The following MYT1 variants were observed in gnomAD, a reference collection of about 807,000 sequenced individuals.
The protein encoded by MYT1 is myelin transcription factor 1.
A neutral mutation model predicts 123.0 loss-of-function variants in MYT1; 23 were observed. That is an observed-to-expected ratio of 0.19 (90% CI 0.13 to 0.26). The LOEUF is 0.26. MYT1 is among the 10% of genes least tolerant of loss of function. The pLI, the probability that MYT1 is intolerant of heterozygous loss-of-function variation, is 1.00. For missense variants in MYT1, 1,125 were observed against 1,472.5 expected (o/e 0.76, Z 3.86); for synonymous variants, 518 against 575.3 (o/e 0.90, Z 1.43).
At chr20:64,170,872 TATATATATATATAG>T (rs1259032059) in intron 1 of MYT1, among the ~76,000 whole-genome samples, 3 of 62,480 alleles carry the variant, frequency 4.8e-5, no homozygotes, top group African/African-American at 7.0e-5. Context: ...TATATATATA[TATATATATATATAG>T]AGAGAGAGAG....
Position 64,208,515 on chromosome 20 carries a change from C to A in MYT1, c.1291+28C>A. Reference sequence around the variant, plus strand: ...AGGGCTCAGGGGTGGCCTGGCCCTGCAGACTCATCCTTTCACCCCTGCCCC... The same window carrying A: ...AGGGCTCAGGGGTGGCCTGGCCCTGAAGACTCATCCTTTCACCCCTGCCCC... On this transcript the variant is annotated intron_variant, in intron 7 of 22. Coordinates refer to ENST00000328439, the MANE Select transcript of MYT1 (RefSeq NM_004535.3). This position sits in a 1 kb window ranked among gnomAD's most constrained non-coding sequence, Gnocchi z 5.4. 6.4e-7 allele frequency: 1 copy of A among 1,555,324 alleles called. No individual in the cohort carries two copies. The highest frequency in any genetic ancestry group is 8.7e-7 in the Non-Finnish European group (1 of 1,147,986).
chr20:64,222,091 T>C (rs781362951), intron 14 of MYT1, 44 bp downstream of exon 14: 14 of 1,606,864 alleles, frequency 8.7e-6, no homozygotes, highest in Non-Finnish European at 1.2e-5. Flanking sequence ...GGACCCTCTG[T>C]GGCCTGGGGA....
rs1984555477 is a variant in MYT1 at position 64,236,547 on chromosome 20, G to A, written c.2898-8G>A. On this transcript the variant is annotated splice_region_variant and splice_polypyrimidine_tract_variant and intron_variant, in intron 19 of 22. Coordinates refer to ENST00000328439, the MANE Select transcript of MYT1 (RefSeq NM_004535.3). ...GGCTGGTGAATGATATGTGGCCTCT[G>A]CTTCCAGTTTGTCAGGCTGTCCCAG... 4 of 1,612,776 alleles carry A rather than the reference G, an allele frequency of 2.5e-6. No homozygotes were observed. The highest frequency in any genetic ancestry group is 3.4e-6 in the Non-Finnish European group (4 of 1,179,154).
intron 1 of MYT1, among the ~76,000 whole-genome samples, chr20:64,170,927 A>AGAGAGAGAGAGACG (rs1982257313): frequency 7.8e-6 from 1 of 128,238 alleles, no homozygotes; most frequent in Non-Finnish European, 1.7e-5. Context: ...AGAGAGAGAG[A>AGAGAGAGAGAGACG]GAGAGAGACG....
In MYT1 at chr20:64,223,292, C is replaced by G; in HGVS notation, c.2461C>G (p.Leu821Val). Residue 821 changes from leucine (L) to valine (V), a missense_variant and splice_region_variant, in exon 16 of 23, where the codon CTC becomes GTC. Coordinates refer to ENST00000328439, the MANE Select transcript of MYT1 (RefSeq NM_004535.3). ...ITGNYASHRS[L>V]SGCPLADKSL... ...AATATCCCATCTCTTCTCTTTCAGC[C>G]TCTCTGGTTGCCCTCTTGCTGACAA... 1.2e-6 allele frequency: 2 copies of G among 1,614,210 alleles called. No homozygotes were observed. The highest frequency in any genetic ancestry group is 1.7e-6 in the Non-Finnish European group (2 of 1,180,036).
chr20:64,217,603 T>C (rs1182703071), intron 11 of MYT1, among the ~76,000 whole-genome samples: 1 of 152,260 alleles, frequency 6.6e-6, no homozygotes, highest in South Asian at 2.1e-4. Flanking sequence ...CCCACCAGCA[T>C]GGTTCACACT....
chr20:64,169,497 T>A (rs1246609034), intron 1 of MYT1, among the ~76,000 whole-genome samples: 2 of 152,174 alleles, frequency 1.3e-5, no homozygotes, highest in African/African-American at 4.8e-5. Flanking sequence ...TTACAAGACT[T>A]AGAGCTGGGG....
In MYT1 at chr20:64,203,714, G is replaced by C. The variant is rs902277977; in HGVS notation, c.87-1321G>C. ...GGATTCTGCTGACGGTTCTCCCAGA[G>C]GTAGTCGGGGAGGGTGGCCTGCAAG... On this transcript the variant is annotated intron_variant, in intron 4 of 22. Transcript: ENST00000328439. This position sits in a 1 kb window ranked among gnomAD's most constrained non-coding sequence, Gnocchi z 5.1. Among the ~76,000 whole-genome samples, 6 of 152,260 alleles carry C rather than the reference G, an allele frequency of 3.9e-5. No individual in the cohort carries two copies. The highest frequency in any genetic ancestry group is 1.3e-4 in the Admixed American group (2 of 15,290).
intron 13 of MYT1, among the ~76,000 whole-genome samples, chr20:64,221,442 C>T (rs1417755863): frequency 6.6e-6 from 1 of 152,206 alleles, no homozygotes; most frequent in Non-Finnish European, 1.5e-5. Context: ...GAGGTTACTG[C>T]GATTGTTGTA....
intron 1 of MYT1, among the ~76,000 whole-genome samples, chr20:64,169,855 C>T (rs919616734): frequency 6.6e-6 from 1 of 152,302 alleles, no homozygotes; most frequent in East Asian, 1.9e-4. Context: ...TTCTCATGAA[C>T]GTGTTCTGTA....
chr20:64,213,792 T>C lies in MYT1; in HGVS notation c.1631+145T>C. ...ATGTGAGTGTACGTGCATGTGAGTGTGCACATGCCCCGGGCCCCCCAGGAG... is the reference window on the plus strand; with the variant it reads ...ATGTGAGTGTACGTGCATGTGAGTGCGCACATGCCCCGGGCCCCCCAGGAG... On this transcript the variant is annotated intron_variant, in intron 10 of 22. Transcript: ENST00000328439. The surrounding 1 kb of genome is among the most constrained non-coding windows in gnomAD (Gnocchi z 5.6). 1 of 708,034 alleles carries C rather than the reference T, an allele frequency of 1.4e-6. No individual in the cohort carries two copies. The allele number at this position is 708,034 out of a possible 1,614,324, so 43.9% of individuals were successfully genotyped here. A position where few individuals can be genotyped will look rare whatever the true frequency, so the allele number is the denominator to read the frequency against.
At position 64,191,747 on chromosome 20, in the gene MYT1, T is replaced by G. The variant is rs564506742; in HGVS notation, c.-1+1587T>G. On this transcript the variant is annotated intron_variant, in intron 2 of 22. Transcript: ENST00000328439. This position sits in a 1 kb window ranked among gnomAD's most constrained non-coding sequence, Gnocchi z 4.1. ...GGATTATCAGTGCTCTGCTGATCCA[T>G]GTTGGAGCCTGGGGCACAAGGAAGA... 6.6e-6 allele frequency: 1 copy of G among 152,366 alleles called. No homozygotes were observed. Among genetic ancestry groups the G allele is most frequent in the South Asian group, 2.1e-4 (1 of 4,830 alleles). The allele number at this position is 152,366 out of a possible 1,614,324, so 9.4% of individuals were successfully genotyped here.
chr20:64,181,027 A>G (rs950451003), intron 1 of MYT1, among the ~76,000 whole-genome samples: 3 of 151,980 alleles, frequency 2.0e-5, no homozygotes, highest in African/African-American at 4.8e-5. Context: ...TTGAATGTCA[A>G]CTCCCTTGAA....
In MYT1 at chr20:64,217,257, G is replaced by A; in HGVS notation, c.1822G>A (p.Glu608Lys). Residue 608 changes from glutamate to lysine, a missense_variant, in exon 11 of 23, where the codon GAA becomes AAA. This residue lies in a region of MYT1 where 429 missense variants were observed against 604.1 expected (regional missense o/e 0.71). Transcript: ENST00000328439. ...RMLAPKIQTS[E>K]TSPKAFQCFD... ...GCTTGCCCCAAAGATTCAGACCAGC[G>A]AAACCTCACCTAAAGCCTTTCAATG... The A allele has an allele frequency of 4.3e-6, 7 of 1,614,244 alleles. No individual in the cohort carries two copies. Among genetic ancestry groups the A allele is most frequent in the South Asian group, 1.1e-5 (1 of 91,086 alleles).
chr20:64,225,774 A>G (rs1984152691), intron 16 of MYT1, among the ~76,000 whole-genome samples: 1 of 152,080 alleles, frequency 6.6e-6, no homozygotes, highest in South Asian at 2.1e-4. Flanking sequence ...TGCTCCTCTG[A>G]CTATGTGAGT....
At chr20:64,225,575 G>A (rs1984147558) in intron 16 of MYT1, among the ~76,000 whole-genome samples, 1 of 152,204 alleles carries the variant, frequency 6.6e-6, no homozygotes, top group South Asian at 2.1e-4. Flanking sequence ...CACAGCACGG[G>A]GATGGGGCTT....
chr20:64,170,439 T>C (rs1230286349), intron 1 of MYT1, among the ~76,000 whole-genome samples: 1 of 152,142 alleles, frequency 6.6e-6, no homozygotes, highest in Non-Finnish European at 1.5e-5. Context: ...ACTGCAAGTC[T>C]GGACCAGGGA....
intron 1 of MYT1, among the ~76,000 whole-genome samples, chr20:64,183,861 C>T (rs367613172): frequency 6.6e-6 from 1 of 152,290 alleles, no homozygotes; most frequent in African/African-American, 2.4e-5. Context: ...TGCTCTGTCA[C>T]GCAGGCTAGA....
At chr20:64,180,248 T>C (rs1982613217) in intron 1 of MYT1, among the ~76,000 whole-genome samples, 1 of 152,200 alleles carries the variant, frequency 6.6e-6, no homozygotes, top group Non-Finnish European at 1.5e-5. Context: ...ACACCCTTTT[T>C]CACCTAGGTC....
Sources: gnomAD v4.1 joint callset for allele counts (sites outside exome capture counted in the v4.1 genomes callset) on GRCh38, gnomAD v4.1.1 for gene constraint, gnomAD v4.1.1 regional missense constraint, Gnocchi (gnomAD v3.1) non-coding constraint, MANE v1.5 for transcripts, NCBI Gene and HGNC (gene_info 2026-07-23, HGNC 2026-07-21) for gene names.